TOR3A: variants seen among roughly 807,000 people sequenced by gnomAD.
The protein encoded by TOR3A is torsin-3A.
TOR3A carries 44 observed loss-of-function variants against 42.1 expected under a neutral mutation model. That is an observed-to-expected ratio of 1.04 (90% CI 0.82 to 1.34). TOR3A has a LOEUF of 1.34. TOR3A is among the 40% of genes most tolerant of loss of function. The probability of loss-of-function intolerance (pLI) is 0.00; values close to 1 mark genes in which losing one functional copy is unlikely to be tolerated. For synonymous variants in TOR3A, 227 were observed against 213.2 expected (o/e 1.06, Z -0.57); for missense variants, 521 against 507.6 (o/e 1.03, Z -0.25).
chr1:179,085,548 T>G, intron 2 of TOR3A, 80 bp from the exon 3 acceptor site: 26 of 1,543,206 alleles, frequency 1.7e-5, no homozygotes, highest in East Asian at 2.3e-5. Flanking sequence ...TCAGAGTTGC[T>G]TGGTTTCTTG....
chr1:179,084,233 AT>A (rs1440995393), intron 2 of TOR3A, among the ~76,000 whole-genome samples: 3 of 151,732 alleles, frequency 2.0e-5, no homozygotes, highest in Admixed American at 6.6e-5. Flanking sequence ...ATTTTATTTT[AT>A]TTTTTTTACT....
At position 179,094,092 on chromosome 1, in the gene TOR3A, G is replaced by A. The variant is rs1184212786; in HGVS notation, c.819-1G>A. 6.2e-7 allele frequency: 1 copy of A among 1,611,712 alleles called. No individual in the cohort carries two copies. Among genetic ancestry groups the A allele is most frequent in the East Asian group, 2.2e-5 (1 of 44,852 alleles). On this transcript the variant is annotated splice_acceptor_variant, in intron 4 of 5. Coordinates refer to ENST00000367627, the MANE Select transcript of TOR3A (RefSeq NM_022371.4). LOFTEE classifies it high-confidence loss of function. ...GGTTAACAAGCTCTTGTCTCTTTCAGTAATCTCAGGGGCGATATAATCAAT... is the reference window on the plus strand; with the variant it reads ...GGTTAACAAGCTCTTGTCTCTTTCAATAATCTCAGGGGCGATATAATCAAT...
At position 179,095,667 on chromosome 1, in the gene TOR3A, G is replaced by C. The variant is rs750700204; in HGVS notation, c.*449G>C. ...TGGGTGTTAGGCCTCAGAGGCTGTA[G>C]GGTCCTTGGGTTACAGAGCCGGGGA... On this transcript the variant is annotated 3_prime_UTR_variant, in exon 6 of 6. Coordinates refer to ENST00000367627, the MANE Select transcript of TOR3A (RefSeq NM_022371.4). 2.7e-4 allele frequency: 274 copies of C among 1,007,936 alleles called. No individual in the cohort carries two copies. Among genetic ancestry groups the C allele is most frequent in the Non-Finnish European group, 2.9e-4 (245 of 843,712 alleles). The allele number at this position is 1,007,936 out of a possible 1,614,324, so 62.4% of individuals were successfully genotyped here.
rs372988209 is a variant in TOR3A at position 179,095,553 on chromosome 1, G to C, written c.*335G>C. 126 of 1,165,456 alleles carry C rather than the reference G, an allele frequency of 1.1e-4. No individual in the cohort carries two copies. The African/African-American group carries it at 1.7e-3, about 16-fold the overall frequency. The allele number at this position is 1,165,456 out of a possible 1,614,324, so 72.2% of individuals were successfully genotyped here. A position where few individuals can be genotyped will look rare whatever the true frequency, so the allele number is the denominator to read the frequency against. The stretch of plus-strand genomic sequence containing the variant: ...AAAGTGGGCCAGGTGGTTGAAGAAA[G>C]CCATGTGGGAGCTCAGCAAATCCCA... On this transcript the variant is annotated 3_prime_UTR_variant, in exon 6 of 6. Coordinates refer to ENST00000367627, the MANE Select transcript of TOR3A (RefSeq NM_022371.4).
Position 179,082,200 on chromosome 1 carries a change from C to CG in TOR3A, c.74dup (p.Ala26ArgfsTer51), listed in dbSNP as rs1157568799. The CG allele has an allele frequency of 6.6e-7, 1 of 1,504,800 alleles. No homozygotes were observed. Among genetic ancestry groups the CG allele is most frequent in the Non-Finnish European group, 8.8e-7 (1 of 1,135,554 alleles). The allele number at this position is 1,504,800 out of a possible 1,614,324, so 93.2% of individuals were successfully genotyped here. A position where few individuals can be genotyped will look rare whatever the true frequency, so the allele number is the denominator to read the frequency against. On this transcript the variant is annotated frameshift_variant, in exon 1 of 6. Transcript: ENST00000367627. LOFTEE classifies it high-confidence loss of function. Reference sequence around the variant, plus strand: ...TGCTCCCGGGCGCGCCTGAGCCCCGCGGCGCCTCCAGGCCGTGGGAGGGAA... The same window carrying CG: ...TGCTCCCGGGCGCGCCTGAGCCCCGCGGGCGCCTCCAGGCCGTGGGAGGGAA...
intron 4 of TOR3A, among the ~76,000 whole-genome samples, chr1:179,089,462 C>T (rs1652521402): frequency 6.6e-6 from 1 of 152,010 alleles, no homozygotes; most frequent in Admixed American, 6.6e-5. Context: ...AGTGGGGCGC[C>T]CAGGGTGATT....
intron 2 of TOR3A, among the ~76,000 whole-genome samples, chr1:179,083,852 G>A (rs922291453): frequency 5.3e-5 from 8 of 152,134 alleles, no homozygotes; most frequent in African/African-American, 1.9e-4. Flanking sequence ...TTCCCCAGGA[G>A]CAATTTCTTG....
chr1:179,092,626 C>A (rs1037760997), intron 4 of TOR3A, among the ~76,000 whole-genome samples: 1 of 152,150 alleles, frequency 6.6e-6, no homozygotes, highest in Admixed American at 6.6e-5. Context: ...GCGGGCAGAT[C>A]AGCTGAGGTC....
Position 179,087,915 on chromosome 1 carries a change from A to G in TOR3A, c.644A>G (p.Gln215Arg). ...TGCTCCCTATATCCCGTGCAGGAGC[A>G]GCTGATGAGCCAGATCCGGGAGACG... is the stretch of plus-strand genomic sequence containing the variant. ...HPKYVDLYKE[Q>R]LMSQIRETQQ... Residue 215 changes from glutamine to arginine, a missense_variant, in exon 4 of 6, where the codon CAG becomes CGG. Physicochemically the swap from Gln to Arg is conservative, Grantham distance 43. Transcript: ENST00000367627. 1.9e-6 allele frequency: 3 copies of G among 1,583,880 alleles called. No homozygotes were observed. The highest frequency in any genetic ancestry group is 2.6e-6 in the Non-Finnish European group (3 of 1,165,940).
intron 4 of TOR3A, among the ~76,000 whole-genome samples, chr1:179,090,034 A>C (rs909338009): frequency 1.5e-5 from 2 of 133,394 alleles, no homozygotes; most frequent in African/African-American, 5.8e-5. Flanking sequence ...TGACAGCACC[A>C]CCCTCCAGCT....
In TOR3A at chr1:179,083,035, A is replaced by G. The variant is rs1209151685; in HGVS notation, c.355A>G (p.Ile119Val). 1.3e-6 allele frequency: 2 copies of G among 1,556,286 alleles called. No homozygotes were observed. Among genetic ancestry groups the G allele is most frequent in the Middle Eastern group, 1.7e-4 (1 of 5,826 alleles). Residue 119 changes from isoleucine (I) to valine (V), a missense_variant, in exon 2 of 6, where the codon ATC (isoleucine) becomes GTC (valine). Coordinates refer to ENST00000367627, the MANE Select transcript of TOR3A (RefSeq NM_022371.4). ...KDCCPRGDCR[I>V]SNNFTGLEWD... Reference sequence around the variant, plus strand: ...CTGCTGCCCTAGAGGGGATTGCAGAATCTCCAACAACTTTACAGGTTGGAC... The same window carrying G: ...CTGCTGCCCTAGAGGGGATTGCAGAGTCTCCAACAACTTTACAGGTTGGAC...
chr1:179,088,263 T>C, intron 4 of TOR3A, 174 bp downstream of exon 4: 1 of 641,042 alleles, frequency 1.6e-6, no homozygotes, highest in Non-Finnish European at 2.3e-6. Context: ...ATCCCAGCAC[T>C]TTGGGAGGCC....
At chr1:179,093,889 G>A (rs1652661993) in intron 4 of TOR3A, among the ~76,000 whole-genome samples, 1 of 152,208 alleles carries the variant, frequency 6.6e-6, no homozygotes, top group Admixed American at 6.5e-5. Flanking sequence ...GAACAAGAGA[G>A]AATGGGTGGC....
intron 4 of TOR3A, 148 bp downstream of exon 4, chr1:179,088,237 G>T: frequency 1.1e-6 from 1 of 889,340 alleles, no homozygotes; most frequent in African/African-American, 1.7e-5. Context: ...GCCAGCTGTG[G>T]TAGCTCACGC....
intron 4 of TOR3A, among the ~76,000 whole-genome samples, chr1:179,090,026 A>G (rs929358807): frequency 1.3e-5 from 2 of 148,302 alleles, no homozygotes; most frequent in African/African-American, 5.0e-5. Flanking sequence ...CGTCGACCTG[A>G]CAGCACCACC....
chr1:179,094,495 T>G (rs1024552322), intron 5 of TOR3A, among the ~76,000 whole-genome samples: 11 of 152,104 alleles, frequency 7.2e-5, no homozygotes, highest in African/African-American at 2.7e-4. Context: ...CTGCAAGACT[T>G]TACCTAAAGG....
intron 4 of TOR3A, among the ~76,000 whole-genome samples, chr1:179,090,502 A>G (rs1384810367): frequency 6.6e-6 from 1 of 152,272 alleles, no homozygotes; most frequent in East Asian, 1.9e-4. Flanking sequence ...GCTGATTCAA[A>G]CTGCTAGAGT....
chr1:179,082,380 GC>G lies in TOR3A; in HGVS notation c.256del (p.Leu86TrpfsTer16). On this transcript the variant is annotated frameshift_variant, in exon 1 of 6. Transcript: ENST00000367627. LOFTEE classifies it high-confidence loss of function. ...ACGAGGACGAGGAGGCAGCCACGGG[GC>G]CCCTGGGTAAGACCCCGTCCCCACG... ...CDEDEEAATG[P>X]LGWRLPLLGQ... is the part of the protein sequence containing the mutation. 1.2e-6 allele frequency: 2 copies of G among 1,604,392 alleles called. No homozygotes were observed. Among genetic ancestry groups the G allele is most frequent in the East Asian group, 2.3e-5 (1 of 44,118 alleles).
chr1:179,083,398 CTTTTTTTTT>C (rs530697099), intron 2 of TOR3A, among the ~76,000 whole-genome samples: 1 of 145,202 alleles, frequency 6.9e-6, no homozygotes, highest in African/African-American at 2.5e-5. Flanking sequence ...CCTTTCTTTT[CTTTTTTTTT>C]TTTGAGACGG....
Sources: gnomAD v4.1 joint callset for allele counts (sites outside exome capture counted in the v4.1 genomes callset) on GRCh38, gnomAD v4.1.1 for gene constraint, MANE v1.5 for transcripts, NCBI Gene and HGNC (gene_info 2026-07-23, HGNC 2026-07-21) for gene names.